The following PIWIL1 variants were observed in gnomAD, a reference collection of about 807,000 sequenced individuals.
PIWIL1 encodes the protein piwi-like protein 1.
Under a neutral mutation model 114.4 loss-of-function variants are expected in PIWIL1, and 73 were observed. The observed-to-expected ratio is 0.64, with a 90% CI of 0.53 to 0.78. The LOEUF is 0.78. Ranked by LOEUF, PIWIL1 falls within the 30% of genes least tolerant of loss-of-function variation. PIWIL1 has a pLI of 0.00. For missense variants in PIWIL1, 723 were observed against 1,063.1 expected (o/e 0.68, Z 4.45); for synonymous variants, 375 against 369.0 (o/e 1.02, Z -0.19).
At chr12:130,360,004 T>A (rs1247074048) in intron 14 of PIWIL1, among the ~76,000 whole-genome samples, 1 of 152,212 alleles carries the variant, frequency 6.6e-6, no homozygotes, top group Admixed American at 6.5e-5. Flanking sequence ...CAGGAAACAT[T>A]CTGAAGACAG....
chr12:130,414,131 G>A, the PIWIL1 span: 1 of 1,614,168 alleles, frequency 6.2e-7, no homozygotes, highest in Non-Finnish European at 8.5e-7. Context: ...GCACCTTGAT[G>A]ATCTGGCCTT....
At chr12:130,368,685 C>G (rs1421923833) in intron 19 of PIWIL1, among the ~76,000 whole-genome samples, 1 of 152,110 alleles carries the variant, frequency 6.6e-6, no homozygotes, top group African/African-American at 2.4e-5. Context: ...TCAAAACGAC[C>G]CCCGATGCTT....
At chr12:130,406,761 C>T in the PIWIL1 span, among the ~76,000 whole-genome samples, 2 of 152,198 alleles carry the variant, frequency 1.3e-5, no homozygotes, top group South Asian at 2.1e-4. Context: ...ATTGTTCTGC[C>T]TCAGCCTCCT....
the PIWIL1 span, among the ~76,000 whole-genome samples, chr12:130,408,826 G>A: frequency 6.6e-6 from 1 of 152,120 alleles, no homozygotes; most frequent in Non-Finnish European, 1.5e-5. Flanking sequence ...ATATCTCAAC[G>A]GCAACTAAAG....
the PIWIL1 span, among the ~76,000 whole-genome samples, chr12:130,415,745 G>T: frequency 1.3e-5 from 2 of 151,796 alleles, no homozygotes; most frequent in Non-Finnish European, 2.9e-5. Flanking sequence ...CATCCATATA[G>T]GAAATAAGAA....
In PIWIL1 at chr12:130,355,001, C is replaced by G. The variant is rs1182473470; in HGVS notation, c.1285C>G (p.His429Asp). 2 of 1,579,400 alleles carry G rather than the reference C, an allele frequency of 1.3e-6. No homozygotes were observed. Among genetic ancestry groups the G allele is most frequent in the Non-Finnish European group, 1.7e-6 (2 of 1,148,610 alleles). The change falls in exon 11 of 21, where the codon CAT becomes GAT. Residue 429 changes from histidine (H) to aspartate (D), a missense_variant. This residue lies in a region of PIWIL1 where 298 missense variants were observed against 420.8 expected (regional missense o/e 0.71). Coordinates refer to ENST00000245255, the MANE Select transcript of PIWIL1 (RefSeq NM_004764.5). The part of the protein sequence containing the change: ...REVGRLIDYI[H>D]KNDNVQRELR... ...AGTGGGACGACTCATTGATTACATT[C>G]ATAAGTAAGTCATTGATTTCACTGG...
chr12:130,398,719 G>C, the PIWIL1 span: 1 of 152,496 alleles, frequency 6.6e-6, no homozygotes, highest in Non-Finnish European at 1.5e-5. Flanking sequence ...GCTTGACCTT[G>C]GGTTAAGTTT....
intron 14 of PIWIL1, 101 bp from the exon 15 acceptor site, chr12:130,361,079 T>C (rs2073496437): frequency 1.1e-6 from 1 of 922,278 alleles, no homozygotes; most frequent in Non-Finnish European, 1.7e-6. Flanking sequence ...GATCATGTTC[T>C]TGACATTGAT....
chr12:130,408,436 A>T, the PIWIL1 span, among the ~76,000 whole-genome samples: 1 of 152,276 alleles, frequency 6.6e-6, no homozygotes, highest in South Asian at 2.1e-4. Flanking sequence ...CGTAGAGAAG[A>T]TCCCAGCTCT....
chr12:130,396,614 T>TATGCCACAGAATAGAACATTAA, the PIWIL1 span: 1 of 152,642 alleles, frequency 6.6e-6, no homozygotes, highest in Non-Finnish European at 1.5e-5. Flanking sequence ...CAGAAAACCA[T>TATGCCACAGAATAGAACATTAA]ATGCCACAGA....
chr12:130,360,061 C>T (rs73448196), intron 14 of PIWIL1, among the ~76,000 whole-genome samples: 6,441 of 152,214 alleles, frequency 0.042, 192 homozygotes, highest in African/African-American at 0.086. Flanking sequence ...TCTTCTGCCC[C>T]GTTGAGTTTT....
chr12:130,410,156 A>C, the PIWIL1 span, among the ~76,000 whole-genome samples: 7 of 152,192 alleles, frequency 4.6e-5, no homozygotes, highest in South Asian at 4.1e-4. Context: ...AGATCTTTTC[A>C]TGTGCTTATT....
At chr12:130,381,810 C>A in the PIWIL1 span, among the ~76,000 whole-genome samples, 2 of 152,280 alleles carry the variant, frequency 1.3e-5, no homozygotes, top group East Asian at 3.9e-4. Context: ...TCTTTCCCAG[C>A]GTTTGCTATT....
chr12:130,365,554 A>G (rs78898652), intron 18 of PIWIL1, among the ~76,000 whole-genome samples: 448 of 152,334 alleles, frequency 2.9e-3, no homozygotes, highest in Middle Eastern at 6.8e-3. Context: ...TTTGCTTTCA[A>G]ATTGAAATGT....
chr12:130,396,438 TGTAA>T, the PIWIL1 span: 4 of 152,658 alleles, frequency 2.6e-5, no homozygotes, highest in African/African-American at 9.6e-5. Flanking sequence ...CCAGCAACTT[TGTAA>T]GTAAGTCTTT....
the PIWIL1 span, among the ~76,000 whole-genome samples, chr12:130,394,656 A>G: frequency 3.5e-5 from 2 of 56,356 alleles, no homozygotes; most frequent in African/African-American, 7.2e-5. Flanking sequence ...AAGGTTGGGG[A>G]TTTTTGCATT....
intron 19 of PIWIL1, 30 bp downstream of exon 19, chr12:130,367,288 T>G: frequency 1.3e-6 from 2 of 1,589,012 alleles, no homozygotes; most frequent in Non-Finnish European, 1.7e-6. Flanking sequence ...CTGAAGGTTG[T>G]TTTCTCCTTG....
At chr12:130,369,780 T>A (rs2073770214) in intron 19 of PIWIL1, among the ~76,000 whole-genome samples, 1 of 152,198 alleles carries the variant, frequency 6.6e-6, no homozygotes, top group African/African-American at 2.4e-5. Flanking sequence ...AGATTCTGGA[T>A]ATTAGACTTT....
At chr12:130,391,969 T>A in the PIWIL1 span, among the ~76,000 whole-genome samples, 1 of 111,318 alleles carries the variant, frequency 9.0e-6, no homozygotes, top group African/African-American at 2.9e-5. Context: ...GTCCATCAGT[T>A]ACCTGGTGAA....
Sources: allele counts gnomAD v4.1 joint callset (sites outside exome capture counted in the v4.1 genomes callset), GRCh38; gene constraint gnomAD v4.1.1; regional missense constraint gnomAD v4.1.1; transcripts MANE v1.5; gene names NCBI Gene and HGNC (gene_info 2026-07-23, HGNC 2026-07-21).